Variants in MCIDAS observed in about 807,000 individuals in gnomAD.
MCIDAS encodes the protein multiciliate differentiation and DNA synthesis associated cell cycle protein.
In MCIDAS, 23 loss-of-function variants were observed where a neutral mutation model predicts 35.4. That is an observed-to-expected ratio of 0.65 (90% CI 0.47 to 0.92). MCIDAS has a LOEUF of 0.92. MCIDAS is among the 40% of genes least tolerant of loss of function. MCIDAS has a pLI of 0.00. For missense variants in MCIDAS, 480 were observed against 531.8 expected (o/e 0.90, Z 0.96); for synonymous variants, 228 against 235.2 (o/e 0.97, Z 0.28).
Position 55,220,871 on chromosome 5 carries a change from A to C in MCIDAS, c.718-65T>G. 3.4e-6 allele frequency: 5 copies of C among 1,482,414 alleles called. No homozygotes were observed. The South Asian group carries it at 6.5e-5, about 19-fold the overall frequency. 91.8% of individuals were successfully genotyped at this position (1,482,414 alleles called of 1,614,324 possible). On this transcript the variant is annotated intron_variant, in intron 6 of 6. Transcript: ENST00000513312. The stretch of plus-strand genomic sequence containing the variant: ...GGACCCTCCGGGTTCGGAGCGTGCA[A>C]AAGGTGACCTAGGCGCGCTACGCAC...
Position 55,220,997 on chromosome 5 carries a change from AC to A in MCIDAS, c.717+18del. 1 of 1,531,084 alleles carries A rather than the reference AC, an allele frequency of 6.5e-7. No individual in the cohort carries two copies. Among genetic ancestry groups the A allele is most frequent in the Non-Finnish European group, 8.8e-7 (1 of 1,142,666 alleles). The allele number at this position is 1,531,084 out of a possible 1,614,324, so 94.8% of individuals were successfully genotyped here. ...AGTTCCGACGTGCTGCAGTTCCCAC[AC>A]GCCCGCGCCCCACTTACATCCAGCA... On this transcript the variant is annotated intron_variant, in intron 6 of 6. Transcript: ENST00000513312.
Position 55,227,174 on chromosome 5 carries a change from G to A in MCIDAS, c.-36C>T. ...GCCTCCGGGTGCCGACTGCTCGGAG[G>A]CGGCGGCCCGGGCTGGGGCAGCGAT... is the stretch of plus-strand genomic sequence containing the variant. On this transcript the variant is annotated 5_prime_UTR_variant, in exon 1 of 7. Transcript: ENST00000513312. 7.1e-7 allele frequency: 1 copy of A among 1,403,968 alleles called. No individual in the cohort carries two copies. The highest frequency in any genetic ancestry group is 9.2e-7 in the Non-Finnish European group (1 of 1,088,230). 87.0% of individuals were successfully genotyped at this position (1,403,968 alleles called of 1,614,324 possible).
chr5:55,226,689 C>A, intron 2 of MCIDAS, 22 bp from the exon 3 acceptor site: 2 of 1,473,512 alleles, frequency 1.4e-6, no homozygotes, highest in South Asian at 2.7e-5. Context: ...GACCGGGAGA[C>A]ACGCGCCGGG....
rs375687696 is a variant in MCIDAS, at chr5:55,220,462, G to A, written c.1062C>T (p.Ser354=). Reference sequence around the variant, plus strand: ...AGGCGAGGGTGCGGATGGTGCTGTGGCTGCGGATGCGGGTGCTGAAGGAGC... The same window carrying A: ...AGGCGAGGGTGCGGATGGTGCTGTGACTGCGGATGCGGGTGCTGAAGGAGC... ...EGGSFSTRIR[S]HSTIRTLAFP... Residue 354 remains serine (S), a synonymous_variant, in exon 7 of 7, where the codon AGC becomes AGT. Transcript: ENST00000513312. 2.1e-3 allele frequency: 3,236 copies of A among 1,536,076 alleles called. 22 individuals carry two copies. Among genetic ancestry groups the A allele is most frequent in the South Asian group, 0.012 (1,023 of 84,062 alleles).
chr5:55,226,857 G>A lies in MCIDAS; in HGVS notation c.195C>T (p.Asp65=), dbSNP rs1390798624. The A allele has an allele frequency of 7.2e-7, 1 of 1,389,516 alleles. No individual in the cohort carries two copies. Among genetic ancestry groups the A allele is most frequent in the Non-Finnish European group, 9.3e-7 (1 of 1,077,964 alleles). The allele number at this position is 1,389,516 out of a possible 1,614,324, so 86.1% of individuals were successfully genotyped here. A position where few individuals can be genotyped will look rare whatever the true frequency, so the allele number is the denominator to read the frequency against. ...SPVSVYEDPP[D]AEPTALPALT... ...CACCTGGCAGCGCTGTGGGCTCGGC[G>A]TCCGGGGGATCCTCGTACACCGACA... The change falls in exon 2 of 7, where the codon GAC becomes GAT. Residue 65 remains aspartate (D), a synonymous_variant. Coordinates refer to ENST00000513312, the MANE Select transcript of MCIDAS (RefSeq NM_001190787.3).
chr5:55,223,012 G>A lies in MCIDAS; in HGVS notation c.321C>T (p.His107=). 6.5e-7 allele frequency: 1 copy of A among 1,536,148 alleles called. No individual in the cohort carries two copies. The part of the protein sequence containing the change: ...GDLAASQNHS[H]QTEADFNLQD... ...GCAGATTGAAGTCTGCTTCCGTTTG[G>A]TGGGAATGGTTCTGAAAAAAACCAG... Residue 107 remains histidine, a synonymous_variant, in exon 4 of 7, where the codon CAC becomes CAT. Transcript: ENST00000513312. The surrounding 1 kb of genome is among the most constrained non-coding windows in gnomAD (Gnocchi z 4.4).
At chr5:55,225,661 G>C (rs189732413) in intron 3 of MCIDAS, among the ~76,000 whole-genome samples, 35 of 152,276 alleles carry the variant, frequency 2.3e-4, no homozygotes, top group Non-Finnish European at 1.3e-4. Flanking sequence ...GTTCTGGGAG[G>C]TGGTCAATTC....
At chr5:55,226,766 C>T in intron 2 of MCIDAS, 69 bp downstream of exon 2, 3 of 1,398,090 alleles carry the variant, frequency 2.1e-6, no homozygotes, top group Non-Finnish European at 2.8e-6. Context: ...GAAGCTCCTC[C>T]GAGCTGTGCG....
At position 55,222,156 on chromosome 5, in the gene MCIDAS, C is replaced by G; in HGVS notation, c.606+20G>C. ...CTGTCCCTGCCCCAGGATTCCTGGT[C>G]GCCAGACCAGTGTCCCTACTTGATT... On this transcript the variant is annotated intron_variant, in intron 5 of 6. Transcript: ENST00000513312. 1 of 1,533,418 alleles carries G rather than the reference C, an allele frequency of 6.5e-7. No individual in the cohort carries two copies. Among genetic ancestry groups the G allele is most frequent in the East Asian group, 2.4e-5 (1 of 40,886 alleles). 95.0% of individuals were successfully genotyped at this position (1,533,418 alleles called of 1,614,324 possible). A position where few individuals can be genotyped will look rare whatever the true frequency, so the allele number is the denominator to read the frequency against.
rs965249833 is a variant in MCIDAS at position 55,223,127 on chromosome 5, T to C, written c.310-104A>G. On this transcript the variant is annotated intron_variant, in intron 3 of 6. Coordinates refer to ENST00000513312, the MANE Select transcript of MCIDAS (RefSeq NM_001190787.3). The surrounding 1 kb of genome is among the most constrained non-coding windows in gnomAD (Gnocchi z 4.4). ...AAAATCTGGCAGGCACTATGCAATA[T>C]ATGCACGTAACACAACTGCACTTGT... 8.9e-6 allele frequency: 8 copies of C among 901,804 alleles called. No homozygotes were observed. Among genetic ancestry groups the C allele is most frequent in the Non-Finnish European group, 1.2e-5 (7 of 579,134 alleles). The allele number at this position is 901,804 out of a possible 1,614,324, so 55.9% of individuals were successfully genotyped here. A position where few individuals can be genotyped will look rare whatever the true frequency, so the allele number is the denominator to read the frequency against.
At position 55,222,832 on chromosome 5, in the gene MCIDAS, G is replaced by A. The variant is rs7730048; in HGVS notation, c.382+119C>T. The A allele has an allele frequency of 0.71, 565,681 of 799,230 alleles. 202,207 individuals carry two copies. The highest frequency in any genetic ancestry group is 0.75 in the South Asian group (46,260 of 61,548). The allele number at this position is 799,230 out of a possible 1,614,324, so 49.5% of individuals were successfully genotyped here. A position where few individuals can be genotyped will look rare whatever the true frequency, so the allele number is the denominator to read the frequency against. On this transcript the variant is annotated intron_variant, in intron 4 of 6. Coordinates refer to ENST00000513312, the MANE Select transcript of MCIDAS (RefSeq NM_001190787.3). Reference sequence around the variant, plus strand: ...AAGGCTGACTCTTTGATGAGTTGCTGGAGAGTCGTTGACAGTTGGCTGGGT... The same window carrying A: ...AAGGCTGACTCTTTGATGAGTTGCTAGAGAGTCGTTGACAGTTGGCTGGGT...
intron 3 of MCIDAS, among the ~76,000 whole-genome samples, chr5:55,224,005 C>A (rs1008598922): frequency 3.9e-5 from 6 of 152,058 alleles, no homozygotes; most frequent in African/African-American, 1.4e-4. Context: ...GATAAAAACG[C>A]TTTTACACAG....
In MCIDAS at chr5:55,220,575, C is replaced by T. The variant is rs1301436182; in HGVS notation, c.949G>A (p.Gly317Arg). Reference sequence around the variant, plus strand: ...CCCCGGAAGGCGCCATGCAGGTTCCCGGGCCTGGTGTCAGTATTCGCGGGC... The same window carrying T: ...CCCCGGAAGGCGCCATGCAGGTTCCTGGGCCTGGTGTCAGTATTCGCGGGC... ...PEPANTDTRP[G>R]NLHGAFRGLR... Residue 317 changes from glycine to arginine, a missense_variant, in exon 7 of 7, where the codon GGG (glycine) becomes AGG (arginine). Transcript: ENST00000513312. 1 of 1,535,968 alleles carries T rather than the reference C, an allele frequency of 6.5e-7. No homozygotes were observed.
chr5:55,221,171 G>A (rs1745350165), intron 5 of MCIDAS, 45 bp from the exon 6 acceptor site: 2 of 1,400,982 alleles, frequency 1.4e-6, no homozygotes, highest in African/African-American at 2.8e-5. Flanking sequence ...ACTGTGCTGG[G>A]TCTCGTCTGC....
chr5:55,224,020 TCA>T (rs1366624418), intron 3 of MCIDAS, among the ~76,000 whole-genome samples: 2 of 152,088 alleles, frequency 1.3e-5, no homozygotes, highest in African/African-American at 4.8e-5. Flanking sequence ...ACACAGTCTC[TCA>T]GTTCATCCTC....
rs1191529327 is a variant in MCIDAS, at chr5:55,222,256, G to A, written c.526C>T (p.Pro176Ser). The A allele has an allele frequency of 2.0e-6, 3 of 1,536,098 alleles. No homozygotes were observed. In the Admixed American group the frequency reaches 5.9e-5, roughly 30 times the overall value. ...TCCTTCCAGTATTGCTCAGGCGGGG[G>A]CACGTCTGGAGGGCGCAGCGGTGGT... ...QSPPLRPPDV[P>S]PPEQYWKEVA... Residue 176 changes from proline to serine, a missense_variant, in exon 5 of 7, where the codon CCC becomes TCC. Pro to Ser is a moderately conservative substitution (Grantham distance 74). Coordinates refer to ENST00000513312, the MANE Select transcript of MCIDAS (RefSeq NM_001190787.3).
At position 55,223,603 on chromosome 5, in the gene MCIDAS, C is replaced by A. The variant is rs929413661; in HGVS notation, c.310-580G>T. Among the ~76,000 whole-genome samples, 2 of 152,222 alleles carry A rather than the reference C, an allele frequency of 1.3e-5. No individual in the cohort carries two copies. The highest frequency in any genetic ancestry group is 4.8e-5 in the African/African-American group (2 of 41,456). On this transcript the variant is annotated intron_variant, in intron 3 of 6. Transcript: ENST00000513312. This position sits in a 1 kb window ranked among gnomAD's most constrained non-coding sequence, Gnocchi z 4.4. ...GAGCCGCCGCTGTAGGAGCTGAGAG[C>A]ACGTCTTGAACACCGGATCTTTCCA...
At chr5:55,222,439 A>G in intron 4 of MCIDAS, 40 bp from the exon 5 acceptor site, 1 of 1,431,460 alleles carries the variant, frequency 7.0e-7, no homozygotes, top group African/African-American at 1.4e-5. Flanking sequence ...CCTCAAATTC[A>G]TGCCCAGCTA....
chr5:55,221,576 A>G (rs1220672972), intron 5 of MCIDAS, among the ~76,000 whole-genome samples: 2 of 152,214 alleles, frequency 1.3e-5, no homozygotes, highest in Non-Finnish European at 2.9e-5. Flanking sequence ...CAATATATGT[A>G]TGTAACACAA....
Sources: allele counts gnomAD v4.1 joint callset (sites outside exome capture counted in the v4.1 genomes callset), GRCh38; gene constraint gnomAD v4.1.1; non-coding constraint Gnocchi (gnomAD v3.1); transcripts MANE v1.5; gene names NCBI Gene and HGNC (gene_info 2026-07-23, HGNC 2026-07-21).